Variants in TECPR1 observed in about 807,000 individuals in gnomAD.
The protein encoded by TECPR1 is tectonin beta-propeller repeat containing 1, also known as tectonin beta-propeller repeat-containing protein 1.
A neutral mutation model predicts 162.4 loss-of-function variants in TECPR1; 122 were observed. The observed-to-expected ratio is 0.75, with a 90% CI of 0.65 to 0.87. TECPR1 has a LOEUF of 0.87. TECPR1 is among the 40% of genes least tolerant of loss of function. The pLI is 0.00. For missense variants in TECPR1, 1,432 were observed against 1,618.2 expected (o/e 0.88, Z 1.97); for synonymous variants, 642 against 670.6 (o/e 0.96, Z 0.66).
In TECPR1 at chr7:98,215,803, TG is replaced by T. The variant is rs1797992618; in HGVS notation, c.*1586del. On this transcript the variant is annotated 3_prime_UTR_variant, in exon 26 of 26. Transcript: ENST00000447648. Reference sequence around the variant, plus strand: ...ACCACCGCCAGGCCCTTCCCGTGATTGATCTGAGAGCTTCACAGCCGGCGGC... The same window carrying T: ...ACCACCGCCAGGCCCTTCCCGTGATTATCTGAGAGCTTCACAGCCGGCGGC... The T allele has an allele frequency of 6.6e-6, 1 of 152,234 alleles. No individual in the cohort carries two copies. Among genetic ancestry groups the T allele is most frequent in the Non-Finnish European group, 1.5e-5 (1 of 68,040 alleles). 9.4% of individuals were successfully genotyped at this position (152,234 alleles called of 1,614,324 possible). A position where few individuals can be genotyped will look rare whatever the true frequency, so the allele number is the denominator to read the frequency against.
At chr7:98,238,721 C>T (rs17169479) in intron 8 of TECPR1, 111 bp from the exon 9 acceptor site, 152,302 of 881,172 alleles carry the variant, frequency 0.17, 14,442 homozygotes, top group South Asian at 0.3. Flanking sequence ...TGGTTCACGT[C>T]GCAAATGAGC....
intron 8 of TECPR1, among the ~76,000 whole-genome samples, chr7:98,239,782 G>C (rs555629115): frequency 1.3e-5 from 2 of 151,972 alleles, no homozygotes; most frequent in South Asian, 4.2e-4. Context: ...TCCATCCCCC[G>C]GGCCAGGGAA....
chr7:98,238,701 T>C, intron 8 of TECPR1, 91 bp from the exon 9 acceptor site: 1 of 1,082,038 alleles, frequency 9.2e-7, no homozygotes. Flanking sequence ...AAGTGAATAA[T>C]TTGATCCTTT....
chr7:98,243,876 T>A (rs1213444799), intron 5 of TECPR1, among the ~76,000 whole-genome samples: 1 of 152,146 alleles, frequency 6.6e-6, no homozygotes, highest in Non-Finnish European at 1.5e-5. Flanking sequence ...ATTACAGGCA[T>A]GAGCCATCAC....
At chr7:98,222,942 G>A (rs780161978) in intron 21 of TECPR1, 48 bp downstream of exon 21, 11 of 1,598,750 alleles carry the variant, frequency 6.9e-6, no homozygotes, top group African/African-American at 6.7e-5. Context: ...CCGGACTCCA[G>A]AGCAAAGGTC....
chr7:98,240,851 C>A lies in TECPR1; in HGVS notation c.933G>T (p.Lys311Asn). The change falls in exon 8 of 26, where the codon AAG becomes AAT. Residue 311 changes from lysine (K) to asparagine (N), a missense_variant and splice_region_variant. Physicochemically the swap from Lys to Asn is moderately conservative, Grantham distance 94 (BLOSUM62 0). Transcript: ENST00000447648. Reference protein sequence around the residue: ...SVVWAVTKDWKVWFRRGVNSH... With the variant: ...SVVWAVTKDWNVWFRRGVNSH... ...TCCCCCAGCCTCATCCCCATCTTACCTTCCAGTCCTTGGTGACAGCCCAGA... is the reference window on the plus strand; with the variant it reads ...TCCCCCAGCCTCATCCCCATCTTACATTCCAGTCCTTGGTGACAGCCCAGA... The A allele has an allele frequency of 6.3e-7, 1 of 1,599,096 alleles. No individual in the cohort carries two copies. Among genetic ancestry groups the A allele is most frequent in the Non-Finnish European group, 8.5e-7 (1 of 1,175,686 alleles).
intron 23 of TECPR1, among the ~76,000 whole-genome samples, 154 bp downstream of exon 23, chr7:98,221,507 C>T (rs1178835935): frequency 6.7e-6 from 1 of 149,078 alleles, no homozygotes; most frequent in Non-Finnish European, 1.5e-5. Flanking sequence ...GAGATAGAGT[C>T]TCACTGTGTC....
At position 98,231,958 on chromosome 7, in the gene TECPR1, G is replaced by A. The variant is rs766768585; in HGVS notation, c.1820C>T (p.Ser607Leu). 16 of 1,601,940 alleles carry A rather than the reference G, an allele frequency of 1.0e-5. No individual in the cohort carries two copies. Among genetic ancestry groups the A allele is most frequent in the South Asian group, 2.2e-5 (2 of 90,876 alleles). ...FRHYEQAVEQSVWVKTGALQW... is the reference protein window; with the variant it reads ...FRHYEQAVEQLVWVKTGALQW... Reference sequence around the variant, plus strand: ...CAGCGCCCCGGTCTTCACCCACACCGACTGCGCAGGCCGGGGCAGTGGACA... The same window carrying A: ...CAGCGCCCCGGTCTTCACCCACACCAACTGCGCAGGCCGGGGCAGTGGACA... Residue 607 changes from serine to leucine, a missense_variant and splice_region_variant, in exon 13 of 26, where the codon TCG (serine) becomes TTG (leucine). Coordinates refer to ENST00000447648, the MANE Select transcript of TECPR1 (RefSeq NM_015395.3).
In TECPR1 at chr7:98,217,144, C is replaced by T. The variant is rs1798031111; in HGVS notation, c.*246G>A. 1 of 469,382 alleles carries T rather than the reference C, an allele frequency of 2.1e-6. No homozygotes were observed. The highest frequency in any genetic ancestry group is 3.8e-6 in the Non-Finnish European group (1 of 264,868). 29.1% of individuals were successfully genotyped at this position (469,382 alleles called of 1,614,324 possible). On this transcript the variant is annotated 3_prime_UTR_variant, in exon 26 of 26. Transcript: ENST00000447648. ...GGAGGGGCCTCTGGGAGGTGCAGCC[C>T]CACCCCATGCCCCACACCCCGGGAC... is the stretch of plus-strand genomic sequence containing the variant.
chr7:98,244,805 G>T, intron 4 of TECPR1, 80 bp downstream of exon 4: 1 of 1,592,958 alleles, frequency 6.3e-7, no homozygotes, highest in Non-Finnish European at 8.6e-7. Context: ...GCACCACAGG[G>T]TGCAGGGGAC....
At chr7:98,225,230 C>A in intron 17 of TECPR1, 128 bp from the exon 18 acceptor site, 1 of 852,998 alleles carries the variant, frequency 1.2e-6, no homozygotes, top group South Asian at 1.5e-5. Flanking sequence ...TCCAGGCACT[C>A]GCACTCCTAA....
At chr7:98,222,014 G>C (rs1798154829) in intron 22 of TECPR1, among the ~76,000 whole-genome samples, 1 of 152,238 alleles carries the variant, frequency 6.6e-6, no homozygotes, top group South Asian at 2.1e-4. Context: ...CCCAGCCTCA[G>C]GGGCTGCCCT....
intron 17 of TECPR1, chr7:98,226,441 G>A: frequency 1.0e-6 from 1 of 985,404 alleles, no homozygotes; most frequent in Non-Finnish European, 1.2e-6. Flanking sequence ...GTCCACTCTG[G>A]GTACAGAACG....
rs1331231205 is a variant in TECPR1, at chr7:98,241,793, T to A, written c.658-549A>T. Reference sequence around the variant, plus strand: ...CTGTCTTCAGACAGGGGACCCAGCCTCCCAATCCTGCCACCATCCCCCTAC... The same window carrying A: ...CTGTCTTCAGACAGGGGACCCAGCCACCCAATCCTGCCACCATCCCCCTAC... On this transcript the variant is annotated intron_variant, in intron 6 of 25. Coordinates refer to ENST00000447648, the MANE Select transcript of TECPR1 (RefSeq NM_015395.3). The surrounding 1 kb of genome is among the most constrained non-coding windows in gnomAD (Gnocchi z 5.0). Among the ~76,000 whole-genome samples, 2 of 152,034 alleles carry A rather than the reference T, an allele frequency of 1.3e-5. No homozygotes were observed. The highest frequency in any genetic ancestry group is 4.8e-5 in the African/African-American group (2 of 41,394).
intron 17 of TECPR1, among the ~76,000 whole-genome samples, chr7:98,225,987 G>C (rs1036949340): frequency 7.9e-5 from 12 of 152,310 alleles, no homozygotes; most frequent in African/African-American, 2.4e-4. Flanking sequence ...CAGGACACTC[G>C]AGTGGCAGGA....
rs553534329 is a variant in TECPR1 at position 98,244,444 on chromosome 7, A to G, written c.531+127T>C. ...TGTTCCCGGGACAGGAAACAGCTCA[A>G]AGGCCAGGTCCCGAGGTGGGCGTGG... On this transcript the variant is annotated intron_variant, in intron 5 of 25. Transcript: ENST00000447648. 17 of 1,291,984 alleles carry G rather than the reference A, an allele frequency of 1.3e-5. No homozygotes were observed. In the South Asian group the frequency reaches 2.4e-4, roughly 18 times the overall value. The allele number at this position is 1,291,984 out of a possible 1,614,324, so 80.0% of individuals were successfully genotyped here. A position where few individuals can be genotyped will look rare whatever the true frequency, so the allele number is the denominator to read the frequency against.
At chr7:98,234,419 G>T (rs1291309993) in intron 10 of TECPR1, among the ~76,000 whole-genome samples, 1 of 152,200 alleles carries the variant, frequency 6.6e-6, no homozygotes, top group East Asian at 1.9e-4. Flanking sequence ...CTCCCAAAGT[G>T]CTGGGATTAC....
chr7:98,231,297 T>A lies in TECPR1; in HGVS notation c.2051A>T (p.Tyr684Phe). 1 of 1,612,742 alleles carries A rather than the reference T, an allele frequency of 6.2e-7. No individual in the cohort carries two copies. Among genetic ancestry groups the A allele is most frequent in the Non-Finnish European group, 8.5e-7 (1 of 1,179,502 alleles). The change falls in exon 14 of 26, where the codon TAC becomes TTC. Residue 684 changes from tyrosine (Y) to phenylalanine (F), a missense_variant. By Grantham distance (22) the Tyr-to-Phe change is conservative. Coordinates refer to ENST00000447648, the MANE Select transcript of TECPR1 (RefSeq NM_015395.3). ...CCTCTGCCGTGTCCGCTCAGGGGTG[T>A]ACAGGGCAAAGGAGTGCTTGGTCTC... Reference protein sequence around the residue: ...LNETKHSFALYTPERTRQRWP... With the variant: ...LNETKHSFALFTPERTRQRWP...
chr7:98,218,532 A>T (rs948328084), intron 23 of TECPR1, among the ~76,000 whole-genome samples: 2 of 152,232 alleles, frequency 1.3e-5, no homozygotes, highest in Non-Finnish European at 2.9e-5. Context: ...GTCTCAGGTT[A>T]CAAAATCAAT....
Sources: gnomAD v4.1 joint callset for allele counts (sites outside exome capture counted in the v4.1 genomes callset) on GRCh38, gnomAD v4.1.1 for gene constraint, Gnocchi (gnomAD v3.1) non-coding constraint, MANE v1.5 for transcripts, NCBI Gene and HGNC (gene_info 2026-07-23, HGNC 2026-07-21) for gene names.